ECT2: variants seen among roughly 807,000 people sequenced by gnomAD.
ECT2 encodes protein ECT2.
A neutral mutation model predicts 116.9 loss-of-function variants in ECT2; 61 were observed. That is an observed-to-expected ratio of 0.52 (90% CI 0.42 to 0.65). The LOEUF (loss-of-function observed/expected upper bound fraction) is 0.65. ECT2 is among the 30% of genes least tolerant of loss of function. The pLI, the probability that ECT2 is intolerant of heterozygous loss-of-function variation, is 0.00. For missense variants in ECT2, 937 were observed against 1,078.7 expected (o/e 0.87, Z 1.84); for synonymous variants, 358 against 346.4 (o/e 1.03, Z -0.37).
At chr3:172,828,028 G>A in the ECT2 span, among the ~76,000 whole-genome samples, 1 of 151,704 alleles carries the variant, frequency 6.6e-6, no homozygotes, top group East Asian at 1.9e-4. Context: ...AAATAATCTG[G>A]AGAAAACTTA....
At chr3:172,813,870 A>G (rs4485744) in intron 22 of ECT2, among the ~76,000 whole-genome samples, 88,036 of 151,786 alleles carry the variant, frequency 0.58, 26,293 homozygotes, top group East Asian at 0.86. Context: ...AAAACATAAG[A>G]TACAAAACTG....
intron 18 of ECT2, among the ~76,000 whole-genome samples, chr3:172,792,066 G>A (rs916068889): frequency 6.6e-6 from 1 of 152,158 alleles, no homozygotes; most frequent in African/African-American, 2.4e-5. Context: ...AGTTGGTGGA[G>A]CACTCAGAAC....
chr3:172,782,874 A>C (rs182581225), intron 15 of ECT2, among the ~76,000 whole-genome samples: 2 of 123,992 alleles, frequency 1.6e-5, no homozygotes, highest in Non-Finnish European at 3.5e-5. Flanking sequence ...ATGATCTCGC[A>C]TTTTTTTTTT....
intron 24 of ECT2, among the ~76,000 whole-genome samples, chr3:172,819,367 T>C (rs1399624666): frequency 6.6e-6 from 1 of 152,108 alleles, no homozygotes; most frequent in Non-Finnish European, 1.5e-5. Flanking sequence ...TTCTTGAGTC[T>C]TTGCATGTTA....
chr3:172,784,587 C>A, intron 16 of ECT2, 120 bp from the exon 17 acceptor site: 2 of 696,494 alleles, frequency 2.9e-6, no homozygotes, highest in South Asian at 4.0e-5. Flanking sequence ...CGGAGAAATT[C>A]CACTTCTTCT....
In ECT2 at chr3:172,764,513, C is replaced by G; in HGVS notation, c.1291+13C>G. The stretch of plus-strand genomic sequence containing the variant: ...ATTAACTATGGAGGTAATTCACATT[C>G]TTAAAAACTTGTCTTTAAAGTTTAG... On this transcript the variant is annotated intron_variant, in intron 12 of 24. Coordinates refer to ENST00000392692, the MANE Select transcript of ECT2 (RefSeq NM_001258315.2). The G allele has an allele frequency of 6.2e-7, 1 of 1,604,064 alleles. No individual in the cohort carries two copies. Among genetic ancestry groups the G allele is most frequent in the Non-Finnish European group, 8.5e-7 (1 of 1,171,498 alleles).
intron 12 of ECT2, among the ~76,000 whole-genome samples, chr3:172,768,369 C>A (rs1229881078): frequency 5.3e-5 from 8 of 152,132 alleles, no homozygotes; most frequent in Non-Finnish European, 1.2e-4. Flanking sequence ...AGCATTCATT[C>A]AGTCAAAATC....
intron 22 of ECT2, 50 bp downstream of exon 22, chr3:172,807,974 G>A: frequency 6.5e-7 from 1 of 1,542,308 alleles, no homozygotes; most frequent in Non-Finnish European, 8.8e-7. Context: ...TCATGACAGT[G>A]CATTCAGACT....
the ECT2 span, among the ~76,000 whole-genome samples, chr3:172,827,491 C>T: frequency 6.6e-6 from 1 of 152,160 alleles, no homozygotes; most frequent in African/African-American, 2.4e-5. Flanking sequence ...ATGGATGGAA[C>T]TGGAGGACAT....
the ECT2 span, chr3:172,828,873 G>A: frequency 2.4e-6 from 3 of 1,248,412 alleles, no homozygotes; most frequent in Non-Finnish European, 3.4e-6. Flanking sequence ...CTGAGAGACG[G>A]GTTCCTGGCA....
At chr3:172,786,898 C>G (rs1013285532) in intron 18 of ECT2, among the ~76,000 whole-genome samples, 12 of 151,940 alleles carry the variant, frequency 7.9e-5, no homozygotes, top group Admixed American at 2.6e-4. Context: ...TGTGTATTGC[C>G]CAAATGTAAC....
intron 14 of ECT2, 42 bp from the exon 15 acceptor site, chr3:172,782,121 T>C: frequency 3.3e-6 from 4 of 1,199,282 alleles, no homozygotes; most frequent in Non-Finnish European, 4.7e-6. Context: ...TATAAGGAGC[T>C]GTCAGGTTTA....
chr3:172,812,947 A>G (rs192619471), intron 22 of ECT2, among the ~76,000 whole-genome samples: 2 of 152,266 alleles, frequency 1.3e-5, no homozygotes, highest in African/African-American at 2.4e-5. Context: ...TCCCTCTACT[A>G]TGAGATATAG....
At chr3:172,783,776 G>T (rs762605945) in intron 15 of ECT2, 23 bp from the exon 16 acceptor site, 3 of 1,449,432 alleles carry the variant, frequency 2.1e-6, no homozygotes, top group South Asian at 2.4e-5. Flanking sequence ...AATAAATAAT[G>T]TTTTTTTCCC....
chr3:172,811,304 T>G (rs1289320824), intron 22 of ECT2, among the ~76,000 whole-genome samples: 1 of 152,190 alleles, frequency 6.6e-6, no homozygotes, highest in Non-Finnish European at 1.5e-5. Context: ...CTTTGCACTT[T>G]TGCCTGTGAT....
At chr3:172,810,773 T>G (rs919381563) in intron 22 of ECT2, among the ~76,000 whole-genome samples, 28 of 152,152 alleles carry the variant, frequency 1.8e-4, no homozygotes, top group African/African-American at 6.3e-4. Context: ...TGCTAGAAAA[T>G]TTCCTGGGAA....
At chr3:172,805,079 T>G (rs533223640) in intron 20 of ECT2, among the ~76,000 whole-genome samples, 15 of 152,250 alleles carry the variant, frequency 9.9e-5, no homozygotes, top group Admixed American at 2.0e-4. Context: ...CTTAGTAAAT[T>G]GGCAATGGAA....
In ECT2 at chr3:172,816,675, G is replaced by A; in HGVS notation, c.2509-16G>A. On this transcript the variant is annotated splice_polypyrimidine_tract_variant and intron_variant, in intron 23 of 24. Coordinates refer to ENST00000392692, the MANE Select transcript of ECT2 (RefSeq NM_001258315.2). The stretch of plus-strand genomic sequence containing the variant: ...TGAATTTGTCTAGGTTTAACTAATT[G>A]TAACTTAAACTCTAGGTTACAAGAG... 1.9e-6 allele frequency: 3 copies of A among 1,571,860 alleles called. No individual in the cohort carries two copies. Among genetic ancestry groups the A allele is most frequent in the South Asian group, 2.3e-5 (2 of 85,718 alleles).
At chr3:172,786,609 T>G (rs1032177580) in intron 18 of ECT2, 35 bp downstream of exon 18, 1 of 1,391,212 alleles carries the variant, frequency 7.2e-7, no homozygotes, top group Non-Finnish European at 1.0e-6. Flanking sequence ...GATTGTGCCT[T>G]AGATTTCGAA....
Sources: gnomAD v4.1 joint callset for allele counts (sites outside exome capture counted in the v4.1 genomes callset) on GRCh38, gnomAD v4.1.1 for gene constraint, MANE v1.5 for transcripts, NCBI Gene and HGNC (gene_info 2026-07-23, HGNC 2026-07-21) for gene names.